PLEKHA2: variants seen among roughly 807,000 people sequenced by gnomAD.
The protein encoded by PLEKHA2 is pleckstrin homology domain containing A2.
PLEKHA2 carries 28 observed loss-of-function variants against 53.2 expected under a neutral mutation model. That is an observed-to-expected ratio of 0.53 (90% CI 0.39 to 0.72). The LOEUF (loss-of-function observed/expected upper bound fraction) is 0.72. PLEKHA2 is among the 30% of genes least tolerant of loss of function. PLEKHA2 has a pLI of 0.00. For missense variants in PLEKHA2, 426 were observed against 537.9 expected (o/e 0.79, Z 2.06); for synonymous variants, 193 against 196.4 (o/e 0.98, Z 0.14).
In PLEKHA2 at chr8:38,953,342, A is replaced by G; in HGVS notation, c.748A>G (p.Thr250Ala). 1 of 1,613,218 alleles carries G rather than the reference A, an allele frequency of 6.2e-7. No homozygotes were observed. Among genetic ancestry groups the G allele is most frequent in the East Asian group, 2.2e-5 (1 of 44,878 alleles). ...CATATTTCTTAAGGATGTTCTGAAG[A>G]CCCATGAATGTCTGGTCAAGTCTGG... ...RTIFLKDVLK[T>A]HECLVKSGDL... Residue 250 changes from threonine (T) to alanine (A), a missense_variant, in exon 9 of 12, where the codon ACC (threonine) becomes GCC (alanine). Physicochemically the swap from Thr to Ala is moderately conservative, Grantham distance 58. Transcript: ENST00000617275.
At chr8:38,915,145 T>C (rs1834035245) in intron 1 of PLEKHA2, among the ~76,000 whole-genome samples, 1 of 152,176 alleles carries the variant, frequency 6.6e-6, no homozygotes, top group South Asian at 2.1e-4. Context: ...GAGGTCTCAC[T>C]GTGTTGCGCA....
At chr8:38,926,655 G>A (rs964502553) in intron 2 of PLEKHA2, among the ~76,000 whole-genome samples, 6 of 152,212 alleles carry the variant, frequency 3.9e-5, no homozygotes, top group African/African-American at 1.4e-4. Flanking sequence ...ACTAAGCCGG[G>A]TGCGGTGGCT....
At chr8:38,925,816 G>A (rs1834276311) in intron 2 of PLEKHA2, among the ~76,000 whole-genome samples, 1 of 152,218 alleles carries the variant, frequency 6.6e-6, no homozygotes, top group Non-Finnish European at 1.5e-5. Flanking sequence ...AAGGCTACAT[G>A]AAAATTGGTG....
intron 2 of PLEKHA2, among the ~76,000 whole-genome samples, chr8:38,928,814 C>T (rs188853489): frequency 9.9e-4 from 150 of 152,256 alleles, no homozygotes; most frequent in African/African-American, 3.4e-3. Context: ...ATCAGCGTGT[C>T]GTGTGTCCCC....
intron 10 of PLEKHA2, 30 bp from the exon 11 acceptor site, chr8:38,968,562 T>G (rs1473512978): frequency 6.2e-7 from 1 of 1,611,734 alleles, no homozygotes; most frequent in African/African-American, 1.3e-5. Flanking sequence ...TGCCTAAAAT[T>G]TCTTGGTAAG....
Position 38,968,560 on chromosome 8 carries a change from A to G in PLEKHA2, c.838-32A>G, listed in dbSNP as rs762132455. ...GGAAGCTGAAATCATAGTGCCTAAA[A>G]TTTCTTGGTAAGAGCCATGGATGTT... On this transcript the variant is annotated intron_variant, in intron 10 of 11. Transcript: ENST00000617275. The G allele has an allele frequency of 4.3e-6, 7 of 1,611,516 alleles. No homozygotes were observed. The African/African-American group carries it at 9.4e-5, about 22-fold the overall frequency.
intron 10 of PLEKHA2, among the ~76,000 whole-genome samples, chr8:38,968,080 A>G (rs531500323): frequency 1.2e-4 from 18 of 152,326 alleles, no homozygotes; most frequent in African/African-American, 4.3e-4. Context: ...TTCTGAAGGC[A>G]ATACATATCT....
chr8:38,951,468 AGTT>A (rs1834840350), intron 6 of PLEKHA2, among the ~76,000 whole-genome samples: 1 of 131,392 alleles, frequency 7.6e-6, no homozygotes, highest in Admixed American at 8.0e-5. Flanking sequence ...TATTTATTTA[AGTT>A]TTTTTTTTTT....
intron 2 of PLEKHA2, among the ~76,000 whole-genome samples, chr8:38,932,961 A>AT (rs1478414601): frequency 6.6e-6 from 1 of 152,174 alleles, no homozygotes; most frequent in Non-Finnish European, 1.5e-5. Context: ...TGGCTGCGGC[A>AT]TCTTTCTCTC....
intron 10 of PLEKHA2, among the ~76,000 whole-genome samples, chr8:38,961,297 G>A (rs1411298630): frequency 6.6e-6 from 1 of 152,136 alleles, no homozygotes; most frequent in Admixed American, 6.5e-5. Context: ...TGGGACTTTG[G>A]GAGGCCAAGG....
intron 2 of PLEKHA2, among the ~76,000 whole-genome samples, chr8:38,932,071 G>C (rs577483733): frequency 6.6e-6 from 1 of 152,184 alleles, no homozygotes; most frequent in Admixed American, 6.5e-5. Context: ...GCTCACTGCA[G>C]CCTCGAACTC....
intron 2 of PLEKHA2, among the ~76,000 whole-genome samples, chr8:38,920,392 T>G (rs1217530201): frequency 2.0e-5 from 3 of 151,976 alleles, no homozygotes; most frequent in South Asian, 4.1e-4. Context: ...CTGACCTCCT[T>G]ATCTGCCCAC....
At chr8:38,952,788 AG>A in intron 8 of PLEKHA2, 84 bp downstream of exon 8, 2 of 1,384,458 alleles carry the variant, frequency 1.4e-6, no homozygotes. Flanking sequence ...AGCGTGCATG[AG>A]TGGAGATGTG....
intron 1 of PLEKHA2, among the ~76,000 whole-genome samples, chr8:38,914,142 C>T (rs1435032571): frequency 2.0e-5 from 3 of 152,224 alleles, no homozygotes; most frequent in African/African-American, 2.4e-5. Context: ...TCCTGTTTCT[C>T]GCCTGCTTTG....
Position 38,970,344 on chromosome 8 carries a change from C to T in PLEKHA2, c.*561C>T. On this transcript the variant is annotated 3_prime_UTR_variant, in exon 12 of 12. Transcript: ENST00000617275. The stretch of plus-strand genomic sequence containing the variant: ...GCCTTGTGTGCTTGCATGATCAGAC[C>T]CTGTAATAGGATGAATTTCCATGCA... The T allele has an allele frequency of 7.9e-6, 2 of 252,744 alleles. No homozygotes were observed. The highest frequency in any genetic ancestry group is 1.5e-5 in the Non-Finnish European group (2 of 135,866). 15.7% of individuals were successfully genotyped at this position (252,744 alleles called of 1,614,324 possible). A position where few individuals can be genotyped will look rare whatever the true frequency, so the allele number is the denominator to read the frequency against.
chr8:38,957,245 C>T (rs959487813), intron 9 of PLEKHA2, 78 bp from the exon 10 acceptor site: 200 of 1,142,186 alleles, frequency 1.8e-4, no homozygotes, highest in Non-Finnish European at 2.4e-4. Flanking sequence ...TGGTAGAGGG[C>T]ACTGGGGTCT....
chr8:38,943,019 ATC>A (rs1834639809), intron 3 of PLEKHA2, among the ~76,000 whole-genome samples: 1 of 152,172 alleles, frequency 6.6e-6, no homozygotes, highest in African/African-American at 2.4e-5. Context: ...CTGCTGCTTC[ATC>A]TCTCTGAGTG....
intron 5 of PLEKHA2, chr8:38,950,577 C>A: frequency 3.0e-6 from 1 of 328,792 alleles, no homozygotes; most frequent in Non-Finnish European, 5.6e-6. Flanking sequence ...TTTCGCTTGA[C>A]ACTTTATCTT....
chr8:38,932,426 A>G (rs983000322), intron 2 of PLEKHA2, among the ~76,000 whole-genome samples: 1 of 152,190 alleles, frequency 6.6e-6, no homozygotes, highest in African/African-American at 2.4e-5. Flanking sequence ...GCTTCAGGGA[A>G]GAGAGTCCTG....
Sources: gnomAD v4.1 joint callset for allele counts (sites outside exome capture counted in the v4.1 genomes callset) on GRCh38, gnomAD v4.1.1 for gene constraint, MANE v1.5 for transcripts, NCBI Gene and HGNC (gene_info 2026-07-23, HGNC 2026-07-21) for gene names.